The following CEP55 variants were observed in gnomAD, a reference collection of about 807,000 sequenced individuals.
CEP55 encodes the protein centrosomal protein 55, also known as centrosomal protein of 55 kDa.
In CEP55, 57 loss-of-function variants were observed where a neutral mutation model predicts 63.2. That is an observed-to-expected ratio of 0.90 (90% CI 0.73 to 1.13). The LOEUF (loss-of-function observed/expected upper bound fraction) is 1.13, where lower values mean the gene tolerates loss of function less well. Ranked by LOEUF, CEP55 falls within the 50% of genes most tolerant of loss-of-function variation. CEP55 has a pLI of 0.00. For missense variants in CEP55, 456 were observed against 518.9 expected (o/e 0.88, Z 1.18); for synonymous variants, 178 against 191.6 (o/e 0.93, Z 0.59).
At chr10:93,514,815 C>T (rs1386899294) in intron 4 of CEP55, among the ~76,000 whole-genome samples, 1 of 152,134 alleles carries the variant, frequency 6.6e-6, no homozygotes, top group Non-Finnish European at 1.5e-5. Context: ...CTGGAGTTTC[C>T]AGGCTGGAGT....
intron 4 of CEP55, among the ~76,000 whole-genome samples, chr10:93,507,936 T>G (rs2057705251): frequency 6.6e-6 from 1 of 152,256 alleles, no homozygotes; most frequent in African/African-American, 2.4e-5. Context: ...CGTGTGCCAC[T>G]GTGCCTGGCC....
intron 3 of CEP55, among the ~76,000 whole-genome samples, chr10:93,503,797 C>A (rs188112848): frequency 1.3e-5 from 2 of 152,068 alleles, no homozygotes; most frequent in African/African-American, 4.8e-5. Flanking sequence ...ATTTTCTCCC[C>A]GTTTTGTTTG....
chr10:93,507,651 G>C (rs932390895), intron 4 of CEP55, among the ~76,000 whole-genome samples: 1 of 151,804 alleles, frequency 6.6e-6, no homozygotes, highest in African/African-American at 2.4e-5. Context: ...TGTTTTTTCA[G>C]TATTTTTCTC....
intron 8 of CEP55, chr10:93,520,036 T>G: frequency 3.7e-6 from 2 of 545,036 alleles, no homozygotes; most frequent in Admixed American, 3.0e-5. Flanking sequence ...CCAGCTGCTG[T>G]GATGCTGGAG....
chr10:93,505,201 A>G (rs757551099), intron 3 of CEP55, among the ~76,000 whole-genome samples: 3 of 152,246 alleles, frequency 2.0e-5, no homozygotes, highest in African/African-American at 4.8e-5. Flanking sequence ...TCTGACTCCT[A>G]TAACAACTTC....
intron 8 of CEP55, among the ~76,000 whole-genome samples, chr10:93,524,530 T>C (rs993541660): frequency 6.6e-6 from 1 of 152,182 alleles, no homozygotes; most frequent in African/African-American, 2.4e-5. Context: ...GCTGATACCA[T>C]TCCTTCTGAA....
chr10:93,525,364 A>G (rs1589661009), intron 8 of CEP55, among the ~76,000 whole-genome samples: 1 of 152,158 alleles, frequency 6.6e-6, no homozygotes, highest in Non-Finnish European at 1.5e-5. Flanking sequence ...AAATACCTAG[A>G]AATCCAACTT....
At chr10:93,522,508 ACT>A (rs1372033634) in intron 8 of CEP55, among the ~76,000 whole-genome samples, 4 of 152,188 alleles carry the variant, frequency 2.6e-5, no homozygotes, top group Non-Finnish European at 5.9e-5. Flanking sequence ...ATTGGAAAAC[ACT>A]CTGCAGGATA....
In CEP55 at chr10:93,497,527, G is replaced by T. The variant is rs12771847; in HGVS notation, c.-13+604G>T. On this transcript the variant is annotated intron_variant, in intron 1 of 8. Transcript: ENST00000371485. ...ATGATCCACCTGCCTCGGCCTTCCA[G>T]AGTGCTGGGATTACAGGCGTGAGCC... 5.2e-3 allele frequency among the ~76,000 whole-genome samples: 794 copies of T among 152,012 alleles called. 9 individuals are homozygous for T. Among genetic ancestry groups the T allele is most frequent in the African/African-American group, 0.018 (752 of 41,492 alleles).
At chr10:93,518,293 G>GGCTGTAAT (rs2057824469) in intron 6 of CEP55, among the ~76,000 whole-genome samples, 1 of 152,040 alleles carries the variant, frequency 6.6e-6, no homozygotes, top group African/African-American at 2.4e-5. Flanking sequence ...GGGATTACAG[G>GGCTGTAAT]TGCCCACCAC....
At position 93,503,119 on chromosome 10, in the gene CEP55, C is replaced by A. The variant is rs146596670; in HGVS notation, c.190C>A (p.Arg64=). The A allele has an allele frequency of 2.3e-5, 37 of 1,610,228 alleles. No homozygotes were observed. Among genetic ancestry groups the A allele is most frequent in the Non-Finnish European group, 3.1e-5 (36 of 1,178,566 alleles). The change falls in exon 3 of 9, where the codon CGA becomes AGA. Residue 64 remains arginine, a synonymous_variant. Coordinates refer to ENST00000371485, the MANE Select transcript of CEP55 (RefSeq NM_018131.5). ...KERHRLLEKI[R]VLEAEKEKNA... The stretch of plus-strand genomic sequence containing the variant: ...CTTCTTAGTTTATGTCTAGAAAATT[C>A]GAGTCCTTGAGGCTGAGAAGGAGAA...
At chr10:93,510,259 T>G (rs2057731484) in intron 4 of CEP55, among the ~76,000 whole-genome samples, 1 of 152,228 alleles carries the variant, frequency 6.6e-6, no homozygotes, top group African/African-American at 2.4e-5. Flanking sequence ...TTAATAGGCG[T>G]TTCTTGCTCT....
At chr10:93,524,617 A>C (rs1291438573) in intron 8 of CEP55, among the ~76,000 whole-genome samples, 1 of 152,054 alleles carries the variant, frequency 6.6e-6, no homozygotes, top group African/African-American at 2.4e-5. Context: ...GATACCAAAG[A>C]CTGGCAGAGA....
Position 93,519,724 on chromosome 10 carries a change from C to A in CEP55, c.1108C>A (p.Arg370Ser), listed in dbSNP as rs560417580. 6.2e-7 allele frequency: 1 copy of A among 1,614,064 alleles called. No individual in the cohort carries two copies. Among genetic ancestry groups the A allele is most frequent in the Non-Finnish European group, 8.5e-7 (1 of 1,179,970 alleles). ...TLDFENEKLD[R>S]QHVQHQLHVI... ...AGACTTTGAAAATGAAAAACTCGACCGTCAACATGTGCAGCATCAATTGCA... is the reference window on the plus strand; with the variant it reads ...AGACTTTGAAAATGAAAAACTCGACAGTCAACATGTGCAGCATCAATTGCA... Residue 370 changes from arginine (R) to serine (S), a missense_variant, in exon 8 of 9, where the codon CGT becomes AGT. Physicochemically the swap from Arg to Ser is moderately radical, Grantham distance 110 (BLOSUM62 -1). Coordinates refer to ENST00000371485, the MANE Select transcript of CEP55 (RefSeq NM_018131.5).
intron 4 of CEP55, among the ~76,000 whole-genome samples, chr10:93,507,716 T>C (rs1453798249): frequency 1.3e-5 from 2 of 152,196 alleles, no homozygotes; most frequent in African/African-American, 4.8e-5. Flanking sequence ...TGGTGAGATC[T>C]CAGCTCACTG....
chr10:93,518,745 A>G, intron 6 of CEP55, 132 bp from the exon 7 acceptor site: 2 of 585,620 alleles, frequency 3.4e-6, no homozygotes, highest in Non-Finnish European at 6.2e-6. Context: ...GCCAGCTGGA[A>G]TGATTCACCC....
chr10:93,515,626 T>C, intron 5 of CEP55, 71 bp downstream of exon 5: 1 of 1,425,490 alleles, frequency 7.0e-7, no homozygotes, highest in Non-Finnish European at 9.5e-7. Flanking sequence ...TTCATCAAAT[T>C]TAGATTTTTA....
intron 8 of CEP55, among the ~76,000 whole-genome samples, chr10:93,522,587 T>C (rs1022358312): frequency 2.0e-5 from 3 of 152,036 alleles, no homozygotes; most frequent in Non-Finnish European, 2.9e-5. Context: ...ATACAGAGAA[T>C]GCCACAAAGA....
chr10:93,520,175 C>T (rs916296134), intron 8 of CEP55: 1 of 235,626 alleles, frequency 4.2e-6, no homozygotes, highest in African/African-American at 2.3e-5. Flanking sequence ...TACCTTTAAT[C>T]CCAGCGCTTT....
Sources: gnomAD v4.1 joint callset for allele counts (sites outside exome capture counted in the v4.1 genomes callset) on GRCh38, gnomAD v4.1.1 for gene constraint, MANE v1.5 for transcripts, NCBI Gene and HGNC (gene_info 2026-07-23, HGNC 2026-07-21) for gene names.